ABHD6: variants seen among roughly 807,000 people sequenced by gnomAD.
The protein encoded by ABHD6 is abhydrolase domain containing 6, acylglycerol lipase, also known as monoacylglycerol lipase ABHD6.
In ABHD6, 33 loss-of-function variants were observed where a neutral mutation model predicts 38.8. The observed-to-expected ratio is 0.85, with a 90% confidence interval of 0.64 to 1.14. ABHD6 has a LOEUF of 1.14. ABHD6 is among the 50% of genes most tolerant of loss of function. The pLI is 0.00. For synonymous variants in ABHD6, 147 were observed against 161.6 expected, an observed-to-expected ratio of 0.91 and a Z score of 0.69; for missense variants, 380 against 422.6, an observed-to-expected ratio of 0.90 and a Z score of 0.88.
chr3:58,250,378 C>T (rs1209829838), intron 2 of ABHD6, among the ~76,000 whole-genome samples: 1 of 152,122 alleles, frequency 6.6e-6, no homozygotes, highest in African/African-American at 2.4e-5. Context: ...ATTTGGAGTG[C>T]AGGCAAAGAC....
chr3:58,240,425 G>A (rs1226948416), intron 1 of ABHD6, among the ~76,000 whole-genome samples: 1 of 151,648 alleles, frequency 6.6e-6, no homozygotes, highest in Non-Finnish European at 1.5e-5. Flanking sequence ...TTGGTGATTA[G>A]ATCAATTATT....
At chr3:58,249,307 T>C (rs1260615382) in intron 1 of ABHD6, among the ~76,000 whole-genome samples, 2 of 152,374 alleles carry the variant, frequency 1.3e-5, no homozygotes, top group Non-Finnish European at 2.9e-5. Context: ...ATTTTTTATA[T>C]TTAATTCTTT....
chr3:58,281,831 T>TC (rs1393914287), intron 7 of ABHD6, among the ~76,000 whole-genome samples: 1 of 152,210 alleles, frequency 6.6e-6, no homozygotes, highest in Non-Finnish European at 1.5e-5. Context: ...AAATTAAAAC[T>TC]CAGGCCGGGT....
rs776932381 is a variant in ABHD6, at chr3:58,285,460, AAC to A, written c.837+11_837+12del. On this transcript the variant is annotated splice_region_variant and intron_variant, in intron 9 of 9. Transcript: ENST00000478253. This position sits in a 1 kb window ranked among gnomAD's most constrained non-coding sequence, Gnocchi z 4.9. ...CTGGGGGAAACAAGACCAGGTATGT[AAC>A]ACATCCCCGCGGCAGTCTGTGCTGG... 6.2e-6 allele frequency: 10 copies of A among 1,610,724 alleles called. No individual in the cohort carries two copies. The highest frequency in any genetic ancestry group is 4.5e-5 in the East Asian group (2 of 44,872).
At chr3:58,254,201 A>G (rs933588350) in intron 2 of ABHD6, among the ~76,000 whole-genome samples, 1 of 152,232 alleles carries the variant, frequency 6.6e-6, no homozygotes, top group Non-Finnish European at 1.5e-5. Flanking sequence ...TTAGCCTCTC[A>G]GAGCCTCAAT....
At chr3:58,286,699 G>A (rs2097457216) in intron 9 of ABHD6, among the ~76,000 whole-genome samples, 1 of 151,074 alleles carries the variant, frequency 6.6e-6, no homozygotes, top group Non-Finnish European at 1.5e-5. Context: ...CACGTATAGT[G>A]TATATATATG....
chr3:58,262,030 G>T (rs2107443888), intron 3 of ABHD6, among the ~76,000 whole-genome samples: 1 of 152,296 alleles, frequency 6.6e-6, no homozygotes, highest in East Asian at 1.9e-4. Context: ...TCTGATTCAT[G>T]CTATTAACAC....
At chr3:58,292,110 G>A (rs917538096) in intron 9 of ABHD6, among the ~76,000 whole-genome samples, 6 of 152,198 alleles carry the variant, frequency 3.9e-5, no homozygotes, top group Non-Finnish European at 7.3e-5. Context: ...TGAGTGACAA[G>A]GCAGAGGTTT....
chr3:58,240,536 C>T (rs936229762), intron 1 of ABHD6, among the ~76,000 whole-genome samples: 6 of 152,000 alleles, frequency 3.9e-5, no homozygotes, highest in Non-Finnish European at 7.4e-5. Context: ...AAAAAAAATT[C>T]TTTAAAAATT....
At chr3:58,274,561 AT>A in intron 6 of ABHD6, 96 bp from the exon 7 acceptor site, 1 of 1,299,642 alleles carries the variant, frequency 7.7e-7, no homozygotes, top group East Asian at 2.4e-5. Flanking sequence ...AACCTGAAAT[AT>A]ATTAACTCTG....
chr3:58,263,744 C>T lies in ABHD6; in HGVS notation c.120-3445C>T, dbSNP rs1416006540. On this transcript the variant is annotated intron_variant, in intron 3 of 9. Transcript: ENST00000478253. The surrounding 1 kb of genome is among the most constrained non-coding windows in gnomAD (Gnocchi z 4.9). ...TCCTTCCAGCTCTTCCATGATCTCA[C>T]ACTGTACTTTGTATGAGAGTTATAG... is the stretch of plus-strand genomic sequence containing the variant. Among the ~76,000 whole-genome samples, 1 of 152,196 alleles carries T rather than the reference C, an allele frequency of 6.6e-6. No individual in the cohort carries two copies. Among genetic ancestry groups the T allele is most frequent in the African/African-American group, 2.4e-5 (1 of 41,454 alleles).
Position 58,265,160 on chromosome 3 carries a change from C to G in ABHD6, c.120-2029C>G, listed in dbSNP as rs2097440065. Among the ~76,000 whole-genome samples the G allele has an allele frequency of 6.6e-6, 1 of 152,152 alleles. No homozygotes were observed. The highest frequency in any genetic ancestry group is 2.4e-5 in the African/African-American group (1 of 41,422). The stretch of plus-strand genomic sequence containing the variant: ...GTGAGAGCATGTGATGTTTGTCTTT[C>G]TGTGTCTGGCTTACTTCACTTAACA... On this transcript the variant is annotated intron_variant, in intron 3 of 9. Coordinates refer to ENST00000478253, the MANE Select transcript of ABHD6 (RefSeq NM_001320126.2). The surrounding 1 kb of genome is among the most constrained non-coding windows in gnomAD (Gnocchi z 4.2).
chr3:58,279,018 C>G (rs2097450921), intron 7 of ABHD6, among the ~76,000 whole-genome samples: 1 of 152,094 alleles, frequency 6.6e-6, no homozygotes, highest in Non-Finnish European at 1.5e-5. Flanking sequence ...GCTTTACTTC[C>G]AATTATGTGG....
chr3:58,290,713 G>A (rs2107482776), intron 9 of ABHD6, among the ~76,000 whole-genome samples: 1 of 152,026 alleles, frequency 6.6e-6, no homozygotes, highest in Non-Finnish European at 1.5e-5. Context: ...GTCGCGGCCG[G>A]GCAGAGGCGC....
rs192024497 is a variant in ABHD6, at chr3:58,244,294, C to A, written c.-90-5584C>A. 7.2e-5 allele frequency among the ~76,000 whole-genome samples: 11 copies of A among 152,288 alleles called. No individual in the cohort carries two copies. In the East Asian group the frequency reaches 2.1e-3, roughly 29 times the overall value. ...ACAATTGATAAAGAGAAGGGATGAA[C>A]ACTCCTTTAGGGGAGAGACTTGAAA... On this transcript the variant is annotated intron_variant, in intron 1 of 9. Transcript: ENST00000478253.
At chr3:58,282,996 G>A (rs911851738) in intron 7 of ABHD6, among the ~76,000 whole-genome samples, 26 of 152,204 alleles carry the variant, frequency 1.7e-4, no homozygotes, top group Admixed American at 1.5e-3. Flanking sequence ...ACCAAGAGAG[G>A]AGAGTCCATG....
chr3:58,243,553 A>G (rs2097424272), intron 1 of ABHD6, among the ~76,000 whole-genome samples: 1 of 152,080 alleles, frequency 6.6e-6, no homozygotes, highest in Non-Finnish European at 1.5e-5. Context: ...TGGAGAAAAT[A>G]GAGAAAAAAA....
chr3:58,292,024 G>A lies in ABHD6; in HGVS notation c.838-1565G>A, dbSNP rs372345094. Among the ~76,000 whole-genome samples the A allele has an allele frequency of 2.8e-4, 42 of 152,332 alleles. No homozygotes were observed. The South Asian group carries it at 3.7e-3, about 14-fold the overall frequency. ...GTTTTCACCTATTGACTGCATCTGC[G>A]TTTCTTCTGAGTGTTTCCACAGTAG... is the stretch of plus-strand genomic sequence containing the variant. On this transcript the variant is annotated intron_variant, in intron 9 of 9. Coordinates refer to ENST00000478253, the MANE Select transcript of ABHD6 (RefSeq NM_001320126.2).
rs34839470 is a variant in ABHD6 at position 58,275,330 on chromosome 3, C to CTTT, written c.681+529_681+531dup. 3.8e-5 allele frequency among the ~76,000 whole-genome samples: 5 copies of CTTT among 133,238 alleles called. 1 individual carries two copies. The highest frequency in any genetic ancestry group is 7.8e-5 in the Non-Finnish European group (5 of 63,704). 87.4% of individuals were successfully genotyped at this position (133,238 alleles called of 152,430 possible). ...AAAAAATCTCAGGACCCCTTATACT[C>CTTT]TTTTTTTTTTTTTTTTCCAGACAGA... On this transcript the variant is annotated intron_variant, in intron 7 of 9. Transcript: ENST00000478253.
Sources: gnomAD v4.1 joint callset for allele counts (sites outside exome capture counted in the v4.1 genomes callset) on GRCh38, gnomAD v4.1.1 for gene constraint, Gnocchi (gnomAD v3.1) non-coding constraint, MANE v1.5 for transcripts, NCBI Gene and HGNC (gene_info 2026-07-23, HGNC 2026-07-21) for gene names.